CDKAL1: variants seen among roughly 807,000 people sequenced by gnomAD.
The protein encoded by CDKAL1 is CDKAL1 threonylcarbamoyladenosine tRNA methylthiotransferase, also known as threonylcarbamoyladenosine tRNA methylthiotransferase.
In CDKAL1, 32 loss-of-function variants were observed where a neutral mutation model predicts 68.2. The ratio of observed to expected loss-of-function variants is 0.47; its 90% CI spans 0.35 to 0.63. CDKAL1 has a LOEUF of 0.63. CDKAL1 is among the 30% of genes least tolerant of loss of function. The pLI is 0.00. For missense variants in CDKAL1, 606 were observed against 696.7 expected (o/e 0.87, Z 1.47); for synonymous variants, 234 against 244.3 (o/e 0.96, Z 0.39).
chr6:20,548,474 A>G, intron 3 of CDKAL1, 119 bp from the exon 4 acceptor site: 2 of 657,160 alleles, frequency 3.0e-6, no homozygotes, highest in Non-Finnish European at 5.5e-6. Context: ...TTGAGGTTGC[A>G]GTGAGCTGTG....
At chr6:20,817,802 A>T (rs1049617045) in intron 8 of CDKAL1, among the ~76,000 whole-genome samples, 5 of 152,154 alleles carry the variant, frequency 3.3e-5, no homozygotes, top group Non-Finnish European at 7.4e-5. Context: ...TCCAAGATAT[A>T]CTATTATTTA....
chr6:21,107,899 T>C (rs1367338609), intron 12 of CDKAL1, among the ~76,000 whole-genome samples: 4 of 152,206 alleles, frequency 2.6e-5, no homozygotes, highest in South Asian at 4.1e-4. Flanking sequence ...CTAGGCTATA[T>C]AGCAGTGACA....
chr6:20,688,904 G>C (rs1177612550), intron 5 of CDKAL1, among the ~76,000 whole-genome samples: 1 of 152,210 alleles, frequency 6.6e-6, no homozygotes, highest in African/African-American at 2.4e-5. Context: ...GGGAGAGGGA[G>C]TGTTCTGTAA....
chr6:20,731,928 C>T lies in CDKAL1; in HGVS notation c.372-7591C>T, dbSNP rs146272143. On this transcript the variant is annotated intron_variant, in intron 5 of 15. Coordinates refer to ENST00000274695, the MANE Select transcript of CDKAL1 (RefSeq NM_017774.3). ...AGCCTCCCAGGATGACAAGATCTCT[C>T]CCCTTACCTTGCTGCCAGGACATCT... Among the ~76,000 whole-genome samples the T allele has an allele frequency of 2.0e-3, 309 of 152,250 alleles. 2 individuals are homozygous for T. Among genetic ancestry groups the T allele is most frequent in the African/African-American group, 7.2e-3 (299 of 41,556 alleles).
At chr6:20,997,936 A>G (rs939892986) in intron 10 of CDKAL1, among the ~76,000 whole-genome samples, 1 of 152,220 alleles carries the variant, frequency 6.6e-6, no homozygotes, top group Non-Finnish European at 1.5e-5. Context: ...TGCTTACTCT[A>G]TTAGCATATA....
chr6:20,612,608 TG>T (rs1766669042), intron 4 of CDKAL1, among the ~76,000 whole-genome samples: 1 of 152,120 alleles, frequency 6.6e-6, no homozygotes, highest in African/African-American at 2.4e-5. Context: ...ATTTTTTTTT[TG>T]CTGTTGAGTT....
At chr6:21,026,018 A>G (rs1005091854) in intron 11 of CDKAL1, among the ~76,000 whole-genome samples, 4 of 152,090 alleles carry the variant, frequency 2.6e-5, no homozygotes, top group Non-Finnish European at 5.9e-5. Flanking sequence ...TAGAGGTTAC[A>G]TAACATTTTA....
intron 13 of CDKAL1, among the ~76,000 whole-genome samples, chr6:21,165,815 A>G (rs1021800518): frequency 3.3e-5 from 5 of 152,292 alleles, no homozygotes; most frequent in Non-Finnish European, 5.9e-5. Flanking sequence ...GTGCTGACTT[A>G]AAAGAGAGAG....
At chr6:20,628,663 G>A (rs188222760) in intron 4 of CDKAL1, among the ~76,000 whole-genome samples, 4 of 149,118 alleles carry the variant, frequency 2.7e-5, no homozygotes, top group Admixed American at 1.3e-4. Context: ...TACTTTCAGG[G>A]AAAAAAAAAA....
intron 13 of CDKAL1, among the ~76,000 whole-genome samples, chr6:21,157,138 C>T (rs78738485): frequency 2.2e-3 from 331 of 152,298 alleles, no homozygotes; most frequent in African/African-American, 7.5e-3. Flanking sequence ...CACTTATGAG[C>T]TCTATGACCT....
intron 5 of CDKAL1, among the ~76,000 whole-genome samples, chr6:20,720,628 TC>T (rs1772303723): frequency 6.6e-6 from 1 of 152,110 alleles, no homozygotes; most frequent in Non-Finnish European, 1.5e-5. Flanking sequence ...TGCCTCAGCC[TC>T]CCTATGATTA....
chr6:21,189,544 T>C (rs1457875499), intron 13 of CDKAL1, among the ~76,000 whole-genome samples: 3 of 152,208 alleles, frequency 2.0e-5, no homozygotes, highest in Admixed American at 2.0e-4. Context: ...TTAACCAGTC[T>C]AGCGCTTTGA....
At chr6:21,019,622 T>C (rs1314941533) in intron 11 of CDKAL1, among the ~76,000 whole-genome samples, 1 of 152,242 alleles carries the variant, frequency 6.6e-6, no homozygotes, top group Non-Finnish European at 1.5e-5. Context: ...GTTCATGCAC[T>C]TGTAGCAGCA....
chr6:20,588,890 T>C (rs2127698345), intron 4 of CDKAL1, among the ~76,000 whole-genome samples: 1 of 152,014 alleles, frequency 6.6e-6, no homozygotes, highest in African/African-American at 2.4e-5. Flanking sequence ...CCAGCCTAGC[T>C]ACCATCCATT....
intron 6 of CDKAL1, among the ~76,000 whole-genome samples, chr6:20,748,027 G>A (rs1180183440): frequency 2.0e-5 from 3 of 152,184 alleles, no homozygotes; most frequent in Non-Finnish European, 2.9e-5. Flanking sequence ...TATGTATGGT[G>A]TAGTATACAG....
rs1021134431 is a variant in CDKAL1, at chr6:20,998,101, C to T, written c.910-2126C>T. On this transcript the variant is annotated intron_variant, in intron 10 of 15. Transcript: ENST00000274695. ...TACATGTCAAGATGTCATTTCTCAC[C>T]GCAATAGATATGTCTAAAGCTGTGA... 7.2e-5 allele frequency among the ~76,000 whole-genome samples: 11 copies of T among 152,128 alleles called. 1 individual carries two copies. In the South Asian group the frequency reaches 8.3e-4, roughly 12 times the overall value.
At chr6:21,072,229 C>G (rs1475420425) in intron 12 of CDKAL1, among the ~76,000 whole-genome samples, 1 of 152,176 alleles carries the variant, frequency 6.6e-6, no homozygotes, top group South Asian at 2.1e-4. Context: ...TGTTCAGCCT[C>G]CCAGGCACTA....
chr6:21,144,603 G>A (rs577482406), intron 13 of CDKAL1, among the ~76,000 whole-genome samples: 2 of 150,276 alleles, frequency 1.3e-5, no homozygotes, highest in Non-Finnish European at 3.0e-5. Flanking sequence ...TGGGAAACAT[G>A]GTGAAACCCC....
chr6:21,157,576 TA>T (rs1159541150), intron 13 of CDKAL1, among the ~76,000 whole-genome samples: 4 of 152,086 alleles, frequency 2.6e-5, no homozygotes, highest in African/African-American at 4.8e-5. Context: ...TTAAGTAATA[TA>T]AAAAAATAGC....
Sources: allele counts gnomAD v4.1 joint callset (sites outside exome capture counted in the v4.1 genomes callset), GRCh38; gene constraint gnomAD v4.1.1; transcripts MANE v1.5; gene names NCBI Gene and HGNC (gene_info 2026-07-23, HGNC 2026-07-21).